CDS1: variants seen among roughly 807,000 people sequenced by gnomAD.
CDS1 encodes CDP-diacylglycerol synthase 1.
In CDS1, 41 loss-of-function variants were observed where a neutral mutation model predicts 62.1. The observed-to-expected ratio is 0.66, with a 90% CI of 0.51 to 0.86. CDS1 has a LOEUF of 0.86. Ranked by LOEUF, CDS1 falls within the 40% of genes least tolerant of loss-of-function variation. The pLI, the probability that CDS1 is intolerant of heterozygous loss-of-function variation, is 0.00. For missense variants in CDS1, 470 were observed against 550.1 expected (o/e 0.85, Z 1.46); for synonymous variants, 185 against 192.6 (o/e 0.96, Z 0.32).
At chr4:84,641,110 C>A in intron 10 of CDS1, 120 bp downstream of exon 10, 2 of 646,650 alleles carry the variant, frequency 3.1e-6, no homozygotes, top group Non-Finnish European at 2.2e-6. Context: ...GAGTTTCCCT[C>A]TGTTGCCCAG....
intron 4 of CDS1, among the ~76,000 whole-genome samples, chr4:84,619,044 TACACACAC>T (rs33991933): frequency 0.024 from 3,358 of 140,956 alleles, 92 homozygotes; most frequent in African/African-American, 0.075. Context: ...ATTAAATTTA[TACACACAC>T]ACACACACAC....
At chr4:84,648,475 G>A (rs1724617803) in intron 12 of CDS1, 82 bp from the exon 13 acceptor site, 14 of 1,294,188 alleles carry the variant, frequency 1.1e-5, no homozygotes, top group Non-Finnish European at 1.5e-5. Context: ...TAAAGGAATG[G>A]TTTGTTTTAA....
intron 12 of CDS1, among the ~76,000 whole-genome samples, chr4:84,645,861 G>GA (rs1187208987): frequency 6.6e-6 from 1 of 152,178 alleles, no homozygotes; most frequent in East Asian, 1.9e-4. Flanking sequence ...GTGTCACACA[G>GA]AAAAATAAAG....
At position 84,621,213 on chromosome 4, in the gene CDS1, G is replaced by A. The variant is rs575278301; in HGVS notation, c.580+1680G>A. On this transcript the variant is annotated intron_variant, in intron 5 of 12. Transcript: ENST00000295887. ...AGAAGGACATGAAGTTTGTTTGTGA[G>A]TTTTCACCTTAGCTGTTACTAGTTA... Among the ~76,000 whole-genome samples the A allele has an allele frequency of 2.4e-4, 36 of 152,294 alleles. No individual in the cohort carries two copies. The South Asian group carries it at 3.7e-3, about 16-fold the overall frequency.
chr4:84,625,921 A>T (rs1365071944), intron 5 of CDS1, among the ~76,000 whole-genome samples: 1 of 151,882 alleles, frequency 6.6e-6, no homozygotes, highest in Admixed American at 6.6e-5. Flanking sequence ...TAATCCTAGC[A>T]CTTTGGGAGG....
intron 3 of CDS1, among the ~76,000 whole-genome samples, chr4:84,615,046 G>A (rs1319265330): frequency 1.3e-5 from 2 of 152,144 alleles, no homozygotes; most frequent in Non-Finnish European, 2.9e-5. Flanking sequence ...CGTGGAGCAG[G>A]TGCTGTGTGC....
chr4:84,631,574 A>C (rs1724020830), intron 5 of CDS1, among the ~76,000 whole-genome samples: 1 of 152,232 alleles, frequency 6.6e-6, no homozygotes, highest in Non-Finnish European at 1.5e-5. Flanking sequence ...TAATTGAATT[A>C]ATGCAGAGGA....
At chr4:84,605,824 T>G (rs1313474267) in intron 2 of CDS1, among the ~76,000 whole-genome samples, 1 of 152,202 alleles carries the variant, frequency 6.6e-6, no homozygotes. Flanking sequence ...TCAGGCACTT[T>G]ATATGTATTG....
At chr4:84,614,477 A>G (rs1292700589) in intron 3 of CDS1, among the ~76,000 whole-genome samples, 1 of 152,224 alleles carries the variant, frequency 6.6e-6, no homozygotes, top group Admixed American at 6.5e-5. Context: ...GAATAACACT[A>G]TCATGAACAT....
At chr4:84,632,267 G>A (rs759753980) in intron 6 of CDS1, among the ~76,000 whole-genome samples, 4 of 152,086 alleles carry the variant, frequency 2.6e-5, no homozygotes, top group Non-Finnish European at 5.9e-5. Flanking sequence ...TGCGCATAAA[G>A]CAGCAGAGCA....
At chr4:84,585,733 T>G (rs1207546610) in intron 1 of CDS1, among the ~76,000 whole-genome samples, 2 of 152,220 alleles carry the variant, frequency 1.3e-5, no homozygotes, top group African/African-American at 4.8e-5. Flanking sequence ...TGACTTATGC[T>G]GAGAGAAGGC....
intron 3 of CDS1, among the ~76,000 whole-genome samples, chr4:84,611,517 A>T (rs906187169): frequency 8.5e-5 from 13 of 152,158 alleles, no homozygotes; most frequent in African/African-American, 3.1e-4. Context: ...TTATAAAAGA[A>T]TAAGTTTTGA....
At chr4:84,636,046 C>T (rs929116013) in intron 8 of CDS1, among the ~76,000 whole-genome samples, 4 of 152,032 alleles carry the variant, frequency 2.6e-5, no homozygotes, top group Non-Finnish European at 4.4e-5. Context: ...CGTGAGCCAC[C>T]GCCCCTGGGC....
At chr4:84,626,301 A>C (rs1403713158) in intron 5 of CDS1, among the ~76,000 whole-genome samples, 1 of 152,232 alleles carries the variant, frequency 6.6e-6, no homozygotes, top group East Asian at 1.9e-4. Context: ...CTTAAAATGC[A>C]CTTCTTTGTT....
chr4:84,629,091 A>G (rs1723940846), intron 5 of CDS1, among the ~76,000 whole-genome samples: 1 of 152,206 alleles, frequency 6.6e-6, no homozygotes, highest in Non-Finnish European at 1.5e-5. Flanking sequence ...TAGTTATACA[A>G]GCATTCTTTG....
chr4:84,587,450 A>G (rs1722453533), intron 1 of CDS1, among the ~76,000 whole-genome samples: 1 of 152,204 alleles, frequency 6.6e-6, no homozygotes, highest in African/African-American at 2.4e-5. Flanking sequence ...GAATAAGAAA[A>G]GCAATGGGAG....
intron 4 of CDS1, among the ~76,000 whole-genome samples, chr4:84,618,342 A>C (rs1723565295): frequency 6.6e-6 from 1 of 152,188 alleles, no homozygotes; most frequent in Non-Finnish European, 1.5e-5. Flanking sequence ...TCCTTCTAGC[A>C]GGTTTCTTCA....
chr4:84,623,200 C>T (rs1186943725), intron 5 of CDS1, among the ~76,000 whole-genome samples: 1 of 152,174 alleles, frequency 6.6e-6, no homozygotes, highest in Non-Finnish European at 1.5e-5. Context: ...GAGCCGGTTT[C>T]TTCCATCCCA....
intron 12 of CDS1, 112 bp downstream of exon 12, chr4:84,645,437 G>GTGAA: frequency 1.5e-6 from 1 of 653,838 alleles, no homozygotes; most frequent in South Asian, 1.8e-5. Flanking sequence ...CAATATTAAA[G>GTGAA]TGAATGGTGG....
Sources: allele counts gnomAD v4.1 joint callset (sites outside exome capture counted in the v4.1 genomes callset), GRCh38; gene constraint gnomAD v4.1.1; transcripts MANE v1.5; gene names NCBI Gene and HGNC (gene_info 2026-07-23, HGNC 2026-07-21).